The following FHIT variants were observed in gnomAD, a reference collection of about 807,000 sequenced individuals.
The protein encoded by FHIT is fragile histidine triad diadenosine triphosphatase, also known as bis(5'-adenosyl)-triphosphatase.
FHIT carries 19 observed loss-of-function variants against 17.9 expected under a neutral mutation model. The observed-to-expected ratio is 1.06, with a 90% CI of 0.74 to 1.56. The LOEUF is 1.56. Ranked by LOEUF, FHIT falls within the 40% of genes most tolerant of loss-of-function variation. The pLI, the probability that FHIT is intolerant of heterozygous loss-of-function variation, is 0.00. For missense variants in FHIT, 248 were observed against 189.2 expected, an observed-to-expected ratio of 1.31 and a Z score of -1.82; for synonymous variants, 81 against 69.7, an observed-to-expected ratio of 1.16 and a Z score of -0.81.
intron 8 of FHIT, among the ~76,000 whole-genome samples, chr3:59,772,891 C>A (rs2106840146): frequency 6.6e-6 from 1 of 152,230 alleles, no homozygotes; most frequent in South Asian, 2.1e-4. Flanking sequence ...AAGTGTAGGG[C>A]CAGGGCCCCC....
intron 5 of FHIT, among the ~76,000 whole-genome samples, chr3:60,324,266 T>C (rs965077838): frequency 2.4e-4 from 37 of 152,200 alleles, no homozygotes; most frequent in African/African-American, 8.7e-4. Flanking sequence ...CTGTTTTTAA[T>C]GACCACCCAG....
intron 5 of FHIT, among the ~76,000 whole-genome samples, chr3:60,523,679 C>G (rs879310674): frequency 2.0e-5 from 3 of 152,098 alleles, no homozygotes; most frequent in South Asian, 2.1e-4. Flanking sequence ...TCTCATGAGC[C>G]GACGAGTTAT....
intron 2 of FHIT, among the ~76,000 whole-genome samples, chr3:61,080,866 T>G (rs1310073588): frequency 2.0e-5 from 3 of 151,916 alleles, no homozygotes; most frequent in African/African-American, 7.3e-5. Context: ...TCATGCCAAT[T>G]CACATGCATG....
At chr3:60,755,713 C>T (rs1353616707) in intron 4 of FHIT, among the ~76,000 whole-genome samples, 1 of 152,062 alleles carries the variant, frequency 6.6e-6, no homozygotes, top group Non-Finnish European at 1.5e-5. Flanking sequence ...TTTCAAATAA[C>T]ATGTAAAGAG....
intron 5 of FHIT, among the ~76,000 whole-genome samples, chr3:60,014,538 C>T (rs1238679561): frequency 3.3e-5 from 5 of 152,174 alleles, no homozygotes; most frequent in Non-Finnish European, 7.3e-5. Flanking sequence ...GAAAAAGCAA[C>T]TGGAATATCT....
At chr3:60,587,967 T>TC (rs369163472) in intron 4 of FHIT, among the ~76,000 whole-genome samples, 5 of 151,614 alleles carry the variant, frequency 3.3e-5, no homozygotes, top group East Asian at 3.9e-4. Context: ...CTTTTTTTTT[T>TC]CCCTTCCACC....
chr3:60,694,768 C>CATGG, intron 4 of FHIT, among the ~76,000 whole-genome samples: 1 of 152,216 alleles, frequency 6.6e-6, no homozygotes, highest in Admixed American at 6.5e-5. Context: ...TTTGTAGGGA[C>CATGG]ATGGATGAAG....
At chr3:60,487,405 A>C (rs1001637004) in intron 5 of FHIT, among the ~76,000 whole-genome samples, 2 of 152,214 alleles carry the variant, frequency 1.3e-5, no homozygotes, top group Non-Finnish European at 2.9e-5. Context: ...CAGAAACATC[A>C]AATGTGGAAA....
intron 4 of FHIT, among the ~76,000 whole-genome samples, chr3:60,731,453 C>G (rs1163004409): frequency 1.3e-5 from 2 of 152,140 alleles, no homozygotes; most frequent in African/African-American, 4.8e-5. Flanking sequence ...GACCTTTTGA[C>G]TTGGGGTTTC....
At chr3:59,829,840 A>G (rs1271301976) in intron 8 of FHIT, among the ~76,000 whole-genome samples, 1 of 152,144 alleles carries the variant, frequency 6.6e-6, no homozygotes, top group Non-Finnish European at 1.5e-5. Context: ...GGGAGTTTGT[A>G]AGAAAATTGG....
chr3:60,407,550 T>C (rs1449675712), intron 5 of FHIT, among the ~76,000 whole-genome samples: 1 of 152,308 alleles, frequency 6.6e-6, no homozygotes, highest in Non-Finnish European at 1.5e-5. Flanking sequence ...TTTTATTTAT[T>C]GTTGCCCAAG....
At chr3:61,171,114 G>A (rs570856213) in intron 2 of FHIT, among the ~76,000 whole-genome samples, 1 of 152,242 alleles carries the variant, frequency 6.6e-6, no homozygotes, top group East Asian at 1.9e-4. Context: ...ACTAGCGTCT[G>A]TTACTTTTTT....
intron 2 of FHIT, among the ~76,000 whole-genome samples, chr3:61,087,404 C>T (rs1447713472): frequency 1.3e-5 from 2 of 152,098 alleles, no homozygotes; most frequent in Non-Finnish European, 2.9e-5. Flanking sequence ...TAAATCACCG[C>T]TACATCACTT....
chr3:60,321,092 G>A (rs1199035573), intron 5 of FHIT, among the ~76,000 whole-genome samples: 1 of 152,156 alleles, frequency 6.6e-6, no homozygotes, highest in East Asian at 1.9e-4. Context: ...CCTTTGTGGA[G>A]GCTCAGGGAC....
chr3:60,936,985 T>G (rs1035504402), intron 3 of FHIT, among the ~76,000 whole-genome samples: 1 of 128,332 alleles, frequency 7.8e-6, no homozygotes, highest in Non-Finnish European at 1.7e-5. Flanking sequence ...AGCAAAGGGA[T>G]GTAATCAACA....
intron 2 of FHIT, among the ~76,000 whole-genome samples, chr3:61,113,597 T>G (rs575942530): frequency 1.8e-3 from 269 of 152,278 alleles, no homozygotes; most frequent in Admixed American, 2.6e-3. Flanking sequence ...CCTGGGTTAT[T>G]TCCTAGTTCT....
chr3:60,019,278 A>C (rs1700462789), intron 5 of FHIT, among the ~76,000 whole-genome samples: 1 of 152,098 alleles, frequency 6.6e-6, no homozygotes, highest in Admixed American at 6.5e-5. Context: ...TTCTAAAAGG[A>C]GGAGTGGAAA....
intron 3 of FHIT, among the ~76,000 whole-genome samples, chr3:60,973,910 G>T (rs1199185966): frequency 6.6e-6 from 1 of 152,152 alleles, no homozygotes; most frequent in Non-Finnish European, 1.5e-5. Flanking sequence ...TATTTGGAAG[G>T]CCTCCAGAGA....
intron 1 of FHIT, among the ~76,000 whole-genome samples, chr3:61,244,322 A>G (rs1244844935): frequency 6.6e-6 from 1 of 152,228 alleles, no homozygotes. Context: ...TTAAAATTAC[A>G]TAATGAAGGA....
Sources: gnomAD v4.1 joint callset for allele counts (sites outside exome capture counted in the v4.1 genomes callset) on GRCh38, gnomAD v4.1.1 for gene constraint, MANE v1.5 for transcripts, NCBI Gene and HGNC (gene_info 2026-07-23, HGNC 2026-07-21) for gene names.